Variants in WWC2 observed in about 807,000 individuals in gnomAD.
WWC2 encodes the protein WW and C2 domain containing 2.
A neutral mutation model predicts 138.5 loss-of-function variants in WWC2; 101 were observed. The observed-to-expected ratio is 0.73, with a 90% CI of 0.62 to 0.86. The LOEUF is 0.86. Ranked by LOEUF, WWC2 falls within the 40% of genes least tolerant of loss-of-function variation. WWC2 has a pLI of 0.00. For synonymous variants in WWC2, 558 were observed against 538.4 expected, an observed-to-expected ratio of 1.04 and a Z score of -0.50; for missense variants, 1,420 against 1,419.4, an observed-to-expected ratio of 1.00 and a Z score of -0.01.
chr4:183,231,258 CTTTTTTTTTTTTTTTT>C (rs1192297768), intron 4 of WWC2, among the ~76,000 whole-genome samples: 2 of 75,314 alleles, frequency 2.7e-5, no homozygotes, highest in African/African-American at 1.2e-4. Context: ...ACAGTGAAAG[CTTTTTTTTTTTTTTTT>C]TTTTTTTTTT....
intron 1 of WWC2, among the ~76,000 whole-genome samples, chr4:183,170,010 A>G (rs1221763951): frequency 6.6e-6 from 1 of 152,222 alleles, no homozygotes; most frequent in Non-Finnish European, 1.5e-5. Flanking sequence ...AGTATCATTC[A>G]AAGGATGCTT....
At chr4:183,160,897 A>G (rs1733944212) in intron 1 of WWC2, among the ~76,000 whole-genome samples, 1 of 152,240 alleles carries the variant, frequency 6.6e-6, no homozygotes, top group Non-Finnish European at 1.5e-5. Flanking sequence ...AGGCAACTCC[A>G]TCAGGAACTT....
At chr4:183,141,761 T>C (rs1445772657) in intron 1 of WWC2, among the ~76,000 whole-genome samples, 1 of 152,222 alleles carries the variant, frequency 6.6e-6, no homozygotes, top group Non-Finnish European at 1.5e-5. Context: ...AGTTCTGATA[T>C]CTTCATGAAT....
chr4:183,197,671 G>A (rs1473729581), intron 2 of WWC2, among the ~76,000 whole-genome samples: 5 of 152,144 alleles, frequency 3.3e-5, no homozygotes, highest in African/African-American at 1.2e-4. Context: ...GGTTTATAAG[G>A]TTTTGATATT....
intron 9 of WWC2, among the ~76,000 whole-genome samples, chr4:183,257,892 G>C (rs191945707): frequency 2.6e-5 from 4 of 152,284 alleles, no homozygotes; most frequent in Non-Finnish European, 4.4e-5. Flanking sequence ...GGGATTGTAG[G>C]AGCTAAGTGG....
intron 15 of WWC2, among the ~76,000 whole-genome samples, chr4:183,270,341 C>T (rs1466810012): frequency 6.6e-6 from 1 of 152,132 alleles, no homozygotes; most frequent in Non-Finnish European, 1.5e-5. Flanking sequence ...TGCCATTCTA[C>T]TAACTTATGT....
At chr4:183,240,985 G>T (rs750607779) in intron 5 of WWC2, among the ~76,000 whole-genome samples, 1 of 152,170 alleles carries the variant, frequency 6.6e-6, no homozygotes, top group African/African-American at 2.4e-5. Context: ...TATCCAAACC[G>T]TGACAGGCAC....
rs536433411 is a variant in WWC2 at position 183,253,857 on chromosome 4, G to A, written c.1054G>A (p.Glu352Lys). 4 of 1,613,646 alleles carry A rather than the reference G, an allele frequency of 2.5e-6. No homozygotes were observed. Among genetic ancestry groups the A allele is most frequent in the Non-Finnish European group, 3.4e-6 (4 of 1,179,754 alleles). The change falls in exon 9 of 23, where the codon GAA becomes AAA. Residue 352 changes from glutamate (E) to lysine (K), a missense_variant. By Grantham distance (56) the Glu-to-Lys change is moderately conservative. Transcript: ENST00000403733. ...KEKLMLINEK[E>K]ELLKELQFVT... ...AAAACTGATGCTGATTAATGAAAAA[G>A]AAGAACTTTTGAAAGAGCTTCAGTT... is the stretch of plus-strand genomic sequence containing the variant.
intron 1 of WWC2, among the ~76,000 whole-genome samples, chr4:183,112,417 G>A (rs568521466): frequency 2.0e-5 from 3 of 152,304 alleles, no homozygotes; most frequent in East Asian, 1.9e-4. Context: ...TTAACACGGC[G>A]GAGGCCTGTA....
At chr4:183,160,170 C>T (rs1368998747) in intron 1 of WWC2, among the ~76,000 whole-genome samples, 1 of 152,212 alleles carries the variant, frequency 6.6e-6, no homozygotes, top group Admixed American at 6.5e-5. Flanking sequence ...TGACAAATCT[C>T]ATTTCTTTTT....
intron 2 of WWC2, among the ~76,000 whole-genome samples, chr4:183,202,765 A>G (rs1446475341): frequency 6.6e-6 from 1 of 152,194 alleles, no homozygotes; most frequent in Non-Finnish European, 1.5e-5. Context: ...AGGGTAGGTT[A>G]ACATGGGTGC....
At chr4:183,253,606 C>T (rs1245652665) in intron 8 of WWC2, 151 bp from the exon 9 acceptor site, 9 of 865,794 alleles carry the variant, frequency 1.0e-5, no homozygotes, top group African/African-American at 5.1e-5. Flanking sequence ...GCTCCCACTC[C>T]GGCCTCTCAC....
intron 1 of WWC2, among the ~76,000 whole-genome samples, chr4:183,177,026 C>T (rs535213276): frequency 6.6e-6 from 1 of 152,288 alleles, no homozygotes; most frequent in South Asian, 2.1e-4. Flanking sequence ...GAGCAGCAGT[C>T]GCTGTTCTAG....
chr4:183,166,774 A>G (rs1260926319), intron 1 of WWC2, among the ~76,000 whole-genome samples: 1 of 152,210 alleles, frequency 6.6e-6, no homozygotes, highest in East Asian at 1.9e-4. Flanking sequence ...GGTAGTCAAT[A>G]TCATAAGAAA....
chr4:183,280,229 G>GTTTTTTTTTTT (rs869235261), intron 16 of WWC2, among the ~76,000 whole-genome samples: 113 of 65,460 alleles, frequency 1.7e-3, no homozygotes, highest in East Asian at 2.3e-3. Flanking sequence ...GATAGCAGCT[G>GTTTTTTTTTTT]TTTTTTTTTT....
At chr4:183,242,620 G>C (rs1736659117) in intron 5 of WWC2, among the ~76,000 whole-genome samples, 1 of 152,162 alleles carries the variant, frequency 6.6e-6, no homozygotes, top group Non-Finnish European at 1.5e-5. Context: ...GAAACAGCAA[G>C]TCACAGGCAT....
intron 1 of WWC2, among the ~76,000 whole-genome samples, chr4:183,160,202 C>T (rs975291187): frequency 6.6e-6 from 1 of 152,196 alleles, no homozygotes; most frequent in South Asian, 2.1e-4. Flanking sequence ...GTAATTGTCA[C>T]TGTTAATCTG....
intron 4 of WWC2, among the ~76,000 whole-genome samples, chr4:183,212,542 T>C (rs766544248): frequency 6.6e-6 from 1 of 152,218 alleles, no homozygotes; most frequent in Non-Finnish European, 1.5e-5. Context: ...ACTCGAGCTG[T>C]GCACTTCTCA....
chr4:183,247,563 T>A (rs1263539453), intron 6 of WWC2, among the ~76,000 whole-genome samples: 4 of 141,658 alleles, frequency 2.8e-5, no homozygotes, highest in Admixed American at 7.4e-5. Context: ...GTATATACTA[T>A]ATATGCTCTA....
Sources: allele counts gnomAD v4.1 joint callset (sites outside exome capture counted in the v4.1 genomes callset), GRCh38; gene constraint gnomAD v4.1.1; transcripts MANE v1.5; gene names NCBI Gene and HGNC (gene_info 2026-07-23, HGNC 2026-07-21).